Variants in RABGAP1L observed in about 807,000 individuals in gnomAD.
The protein encoded by RABGAP1L is RAB GTPase activating protein 1 like.
RABGAP1L carries 63 observed loss-of-function variants against 137.7 expected under a neutral mutation model. The observed-to-expected ratio is 0.46, with a 90% confidence interval of 0.37 to 0.56. The LOEUF (loss-of-function observed/expected upper bound fraction) is 0.56. RABGAP1L is among the 20% of genes least tolerant of loss of function. The probability of loss-of-function intolerance (pLI) is 0.00; values close to 1 mark genes in which losing one functional copy is unlikely to be tolerated. For synonymous variants in RABGAP1L, 431 were observed against 433.7 expected (o/e 0.99, Z 0.08); for missense variants, 1,095 against 1,244.0 (o/e 0.88, Z 1.80).
chr1:174,519,209 CAT>C (rs1056157896), intron 13 of RABGAP1L, among the ~76,000 whole-genome samples: 27 of 144,652 alleles, frequency 1.9e-4, no homozygotes, highest in Middle Eastern at 3.5e-3. Context: ...CACACACATA[CAT>C]ATATATATAC....
chr1:174,717,795 C>A (rs1457338510), intron 17 of RABGAP1L, among the ~76,000 whole-genome samples: 1 of 152,106 alleles, frequency 6.6e-6, no homozygotes, highest in Non-Finnish European at 1.5e-5. Flanking sequence ...ACTGCTGGTT[C>A]TATGAGAGTC....
intron 1 of RABGAP1L, among the ~76,000 whole-genome samples, chr1:174,171,709 A>G (rs1020608788): frequency 5.3e-5 from 8 of 151,516 alleles, no homozygotes; most frequent in Non-Finnish European, 1.2e-4. Context: ...AAAAAAAAAA[A>G]AAAAAGGATT....
intron 11 of RABGAP1L, among the ~76,000 whole-genome samples, chr1:174,350,470 C>T (rs1486286449): frequency 1.6e-4 from 19 of 116,830 alleles, no homozygotes; most frequent in East Asian, 3.0e-4. Flanking sequence ...GGGGCAGAGG[C>T]GCTCCCCACA....
At chr1:174,814,654 T>C (rs1251804960) in intron 19 of RABGAP1L, among the ~76,000 whole-genome samples, 3 of 152,100 alleles carry the variant, frequency 2.0e-5, no homozygotes, top group Non-Finnish European at 4.4e-5. Flanking sequence ...TACTTACCCT[T>C]ACACTGAGGC....
At chr1:174,866,314 G>T (rs72717639) in intron 19 of RABGAP1L, among the ~76,000 whole-genome samples, 6,607 of 152,196 alleles carry the variant, frequency 0.043, 225 homozygotes, top group Non-Finnish European at 0.071. Flanking sequence ...TCAAATGAAT[G>T]AAATTAGAAT....
chr1:174,623,160 A>T (rs370686600), intron 13 of RABGAP1L, among the ~76,000 whole-genome samples: 1 of 152,222 alleles, frequency 6.6e-6, no homozygotes, highest in East Asian at 1.9e-4. Flanking sequence ...CATAATTAAC[A>T]CAGTCTTGAG....
At chr1:174,987,366 C>T (rs1486852746) in intron 24 of RABGAP1L, among the ~76,000 whole-genome samples, 1 of 152,136 alleles carries the variant, frequency 6.6e-6, no homozygotes, top group East Asian at 1.9e-4. Flanking sequence ...GGGGTTTCAC[C>T]ATGTTGGCCA....
intron 15 of RABGAP1L, among the ~76,000 whole-genome samples, chr1:174,691,321 T>A (rs751331491): frequency 1.3e-5 from 2 of 152,242 alleles, no homozygotes; most frequent in Non-Finnish European, 2.9e-5. Context: ...TGTAAATGAT[T>A]TCAGGTGCAT....
At chr1:174,610,595 G>A (rs1177044196) in intron 13 of RABGAP1L, among the ~76,000 whole-genome samples, 2 of 152,070 alleles carry the variant, frequency 1.3e-5, no homozygotes, top group African/African-American at 4.8e-5. Flanking sequence ...GGGTCAAATG[G>A]TATTTCTAGT....
intron 1 of RABGAP1L, among the ~76,000 whole-genome samples, chr1:174,172,176 T>TGTG (rs1665455606): frequency 2.4e-5 from 3 of 123,582 alleles, no homozygotes; most frequent in African/African-American, 6.1e-5. Context: ...TAATATTCCC[T>TGTG]TGTGTGTGTG....
chr1:174,369,984 T>G (rs113493268), intron 11 of RABGAP1L, among the ~76,000 whole-genome samples: 23 of 152,240 alleles, frequency 1.5e-4, no homozygotes. Context: ...CCTGGCCAAA[T>G]AAACCATTAC....
At chr1:174,837,906 G>T (rs896247774) in intron 19 of RABGAP1L, among the ~76,000 whole-genome samples, 1 of 152,174 alleles carries the variant, frequency 6.6e-6, no homozygotes, top group East Asian at 1.9e-4. Flanking sequence ...GTCTTAGGTG[G>T]CAGAAATGTA....
intron 11 of RABGAP1L, among the ~76,000 whole-genome samples, chr1:174,359,976 G>T (rs763304361): frequency 2.0e-5 from 3 of 152,156 alleles, no homozygotes; most frequent in Non-Finnish European, 4.4e-5. Flanking sequence ...CCAACTGTTT[G>T]GCCCCTGATT....
chr1:174,359,647 G>A (rs1683962305), intron 11 of RABGAP1L, among the ~76,000 whole-genome samples: 1 of 152,198 alleles, frequency 6.6e-6, no homozygotes, highest in Non-Finnish European at 1.5e-5. Flanking sequence ...GCCAGATATA[G>A]CCTTCTTTAC....
intron 13 of RABGAP1L, among the ~76,000 whole-genome samples, chr1:174,519,166 G>C (rs896759694): frequency 6.7e-6 from 1 of 149,518 alleles, no homozygotes; most frequent in Non-Finnish European, 1.5e-5. Context: ...TTGTATTTTT[G>C]TATAAACTCC....
At chr1:174,406,448 A>G (rs1325461276) in intron 13 of RABGAP1L, among the ~76,000 whole-genome samples, 2 of 152,140 alleles carry the variant, frequency 1.3e-5, no homozygotes, top group African/African-American at 2.4e-5. Flanking sequence ...TACTGTTTTG[A>G]AGAAAGATGT....
At chr1:174,651,662 G>A (rs997663474) in intron 14 of RABGAP1L, among the ~76,000 whole-genome samples, 12 of 152,052 alleles carry the variant, frequency 7.9e-5, no homozygotes, top group Admixed American at 5.2e-4. Flanking sequence ...TGCAACCCCT[G>A]CCTTTTTTTG....
intron 17 of RABGAP1L, among the ~76,000 whole-genome samples, chr1:174,742,568 G>T (rs1467671735): frequency 1.3e-5 from 2 of 152,160 alleles, no homozygotes; most frequent in Non-Finnish European, 1.5e-5. Context: ...TCTAACAAAA[G>T]ATTTCTGGAT....
intron 5 of RABGAP1L, chr1:174,244,735 T>G (rs1168485313): frequency 2.0e-5 from 3 of 152,258 alleles, no homozygotes; most frequent in Non-Finnish European, 4.4e-5. Context: ...GCACCTGTTC[T>G]TGTCACATCT....
Sources: gnomAD v4.1 joint callset for allele counts (sites outside exome capture counted in the v4.1 genomes callset) on GRCh38, gnomAD v4.1.1 for gene constraint, MANE v1.5 for transcripts, NCBI Gene and HGNC (gene_info 2026-07-23, HGNC 2026-07-21) for gene names.